Variants in EFCAB6 observed in about 807,000 individuals in gnomAD.
EFCAB6 encodes EF-hand calcium binding domain 6, also known as EF-hand calcium-binding domain-containing protein 6.
Under a neutral mutation model 169.8 loss-of-function variants are expected in EFCAB6, and 156 were observed. The observed-to-expected ratio is 0.92, with a 90% CI of 0.81 to 1.05. The LOEUF is 1.05. Among genes scored for constraint, EFCAB6 ranks in the 50% least tolerant of loss-of-function variants. The probability of loss-of-function intolerance (pLI) is 0.00; values close to 1 mark genes in which losing one functional copy is unlikely to be tolerated. For synonymous variants in EFCAB6, 698 were observed against 676.4 expected (o/e 1.03, Z -0.50); for missense variants, 1,800 against 1,829.1 (o/e 0.98, Z 0.29).
chr22:43,705,296 C>G (rs2058916108), intron 10 of EFCAB6, among the ~76,000 whole-genome samples: 1 of 152,070 alleles, frequency 6.6e-6, no homozygotes, highest in Admixed American at 6.6e-5. Context: ...TTCAATACCC[C>G]ACTTTCAATA....
At chr22:43,681,936 T>C (rs1266186471) in intron 12 of EFCAB6, among the ~76,000 whole-genome samples, 1 of 152,208 alleles carries the variant, frequency 6.6e-6, no homozygotes, top group Non-Finnish European at 1.5e-5. Flanking sequence ...TGGCAGCATC[T>C]GGAGGCAGCA....
chr22:43,598,920 T>A (rs1207212637), intron 23 of EFCAB6, among the ~76,000 whole-genome samples: 2 of 152,218 alleles, frequency 1.3e-5, no homozygotes. Context: ...ATATCATACA[T>A]ACCCTCCAAA....
intron 17 of EFCAB6, among the ~76,000 whole-genome samples, chr22:43,646,565 G>A (rs1308895532): frequency 6.6e-6 from 1 of 152,212 alleles, no homozygotes; most frequent in Non-Finnish European, 1.5e-5. Context: ...CTAGCATAAT[G>A]AGAATGTCAT....
At chr22:43,586,910 G>A (rs1285869736) in intron 24 of EFCAB6, among the ~76,000 whole-genome samples, 3 of 152,122 alleles carry the variant, frequency 2.0e-5, no homozygotes, top group East Asian at 1.9e-4. Flanking sequence ...CATAAACTCC[G>A]AAGGACTAGG....
At position 43,716,853 on chromosome 22, in the gene EFCAB6, G is replaced by C; in HGVS notation, c.877C>G (p.Leu293Val). ...GGCTTAGGAAAACATCTTACTTGTAGACAAAAGTTCCTCTCAATTTCATCC... is the reference window on the plus strand; with the variant it reads ...GGCTTAGGAAAACATCTTACTTGTACACAAAAGTTCCTCTCAATTTCATCC... ...SLDEIERNFC[L>V]QLSKSYEKVE... The change falls in exon 9 of 32, where the codon CTA becomes GTA. Residue 293 changes from leucine (L) to valine (V), a missense_variant. Physicochemically the swap from Leu to Val is conservative, Grantham distance 32. Transcript: ENST00000262726. 1.2e-6 allele frequency: 2 copies of C among 1,603,188 alleles called. No individual in the cohort carries two copies. The highest frequency in any genetic ancestry group is 1.7e-6 in the Non-Finnish European group (2 of 1,175,402).
intron 17 of EFCAB6, among the ~76,000 whole-genome samples, chr22:43,640,280 T>C (rs896566406): frequency 1.3e-5 from 2 of 152,208 alleles, no homozygotes; most frequent in African/African-American, 4.8e-5. Flanking sequence ...TCTACATATG[T>C]TATAAATCTT....
chr22:43,615,194 T>C (rs2053608524), intron 21 of EFCAB6, among the ~76,000 whole-genome samples: 2 of 152,232 alleles, frequency 1.3e-5, no homozygotes, highest in South Asian at 4.1e-4. Context: ...AGCTATTGCA[T>C]TCTTGTTGCA....
chr22:43,598,823 T>C (rs1035659690), intron 23 of EFCAB6, among the ~76,000 whole-genome samples: 2 of 152,310 alleles, frequency 1.3e-5, no homozygotes, highest in East Asian at 1.9e-4. Context: ...AGAAGATTTG[T>C]AGAATTTGTA....
At chr22:43,671,470 G>A (rs901255500) in intron 15 of EFCAB6, among the ~76,000 whole-genome samples, 4 of 152,176 alleles carry the variant, frequency 2.6e-5, no homozygotes, top group African/African-American at 7.2e-5. Context: ...AAAACGACAT[G>A]AAACTCTTGC....
chr22:43,702,769 T>G (rs1318272053), intron 10 of EFCAB6, among the ~76,000 whole-genome samples: 1 of 152,176 alleles, frequency 6.6e-6, no homozygotes, highest in Non-Finnish European at 1.5e-5. Flanking sequence ...CCTGCAAAGC[T>G]GAGCTAATAA....
At chr22:43,637,181 G>C (rs2055471014) in intron 17 of EFCAB6, among the ~76,000 whole-genome samples, 1 of 152,188 alleles carries the variant, frequency 6.6e-6, no homozygotes, top group Non-Finnish European at 1.5e-5. Context: ...TCCCCAGAAA[G>C]GCTGTCAGGA....
intron 8 of EFCAB6, among the ~76,000 whole-genome samples, chr22:43,722,177 C>A (rs1471318259): frequency 6.6e-6 from 1 of 152,008 alleles, no homozygotes; most frequent in Non-Finnish European, 1.5e-5. Context: ...CAGAGAAATG[C>A]AAATTGAAGC....
In EFCAB6 at chr22:43,608,557, C is replaced by G. The variant is rs766820070; in HGVS notation, c.2606G>C (p.Arg869Pro). Residue 869 changes from arginine (R) to proline (P), a missense_variant, in exon 22 of 32, where the codon CGC becomes CCC. By Grantham distance (103) the Arg-to-Pro change is moderately radical. Coordinates refer to ENST00000262726, the MANE Select transcript of EFCAB6 (RefSeq NM_022785.4). ...GTACAGTGCGTTCTTTATGTCCCGGCGTCGAAGAATGCCATTGCCCTCATT... is the reference window on the plus strand; with the variant it reads ...GTACAGTGCGTTCTTTATGTCCCGGGGTCGAAGAATGCCATTGCCCTCATT... ...TDNEGNGILR[R>P]RDIKNALYGF... The G allele has an allele frequency of 6.2e-7, 1 of 1,614,014 alleles. No individual in the cohort carries two copies. The highest frequency in any genetic ancestry group is 8.5e-7 in the Non-Finnish European group (1 of 1,180,036).
intron 24 of EFCAB6, among the ~76,000 whole-genome samples, chr22:43,581,442 CCTT>C (rs2050721087): frequency 6.6e-6 from 1 of 152,188 alleles, no homozygotes; most frequent in African/African-American, 2.4e-5. Flanking sequence ...TCATTCATCT[CCTT>C]GACTCTGACA....
chr22:43,712,826 A>G (rs916671198), intron 9 of EFCAB6, among the ~76,000 whole-genome samples: 1 of 152,182 alleles, frequency 6.6e-6, no homozygotes, highest in Non-Finnish European at 1.5e-5. Context: ...GCGATGATCA[A>G]GAGCTTTTAG....
rs137972244 is a variant in EFCAB6, at chr22:43,670,124, C to A, written c.1641-1079G>T. On this transcript the variant is annotated intron_variant, in intron 15 of 31. Transcript: ENST00000262726. Reference sequence around the variant, plus strand: ...TGCTAGAGACCTTCAGTTACACTTGCTATAACTGCTGTAACCTCATTATCG... The same window carrying A: ...TGCTAGAGACCTTCAGTTACACTTGATATAACTGCTGTAACCTCATTATCG... Among the ~76,000 whole-genome samples, 12 of 152,306 alleles carry A rather than the reference C, an allele frequency of 7.9e-5. No individual in the cohort carries two copies. In the East Asian group the frequency reaches 2.3e-3, roughly 29 times the overall value.
At chr22:43,646,467 A>G (rs1370523444) in intron 17 of EFCAB6, among the ~76,000 whole-genome samples, 2 of 152,230 alleles carry the variant, frequency 1.3e-5, no homozygotes, top group African/African-American at 2.4e-5. Context: ...CTGAGAAAAG[A>G]CCTGTTTTAC....
At position 43,668,846 on chromosome 22, in the gene EFCAB6, T is replaced by C. The variant is rs541382059; in HGVS notation, c.1814+26A>G. On this transcript the variant is annotated intron_variant, in intron 16 of 31. Transcript: ENST00000262726. The stretch of plus-strand genomic sequence containing the variant: ...CATGACAGACACTGTGGTTTTGATA[T>C]GTGCATTCATTTTGCTTAATTTTAC... 9.0e-6 allele frequency: 14 copies of C among 1,553,848 alleles called. No individual in the cohort carries two copies. The South Asian group carries it at 1.5e-4, about 17-fold the overall frequency.
intron 25 of EFCAB6, among the ~76,000 whole-genome samples, chr22:43,579,707 T>C (rs1448988486): frequency 7.4e-5 from 10 of 135,846 alleles, no homozygotes; most frequent in African/African-American, 2.5e-4. Flanking sequence ...TCCATACACA[T>C]AGGCATCATT....
Sources: gnomAD v4.1 joint callset for allele counts (sites outside exome capture counted in the v4.1 genomes callset) on GRCh38, gnomAD v4.1.1 for gene constraint, MANE v1.5 for transcripts, NCBI Gene and HGNC (gene_info 2026-07-23, HGNC 2026-07-21) for gene names.